The following MTA3 variants were observed in gnomAD, a reference collection of about 807,000 sequenced individuals.
MTA3 encodes the protein metastasis associated 1 family member 3.
MTA3 carries 34 observed loss-of-function variants against 83.5 expected under a neutral mutation model. The observed-to-expected ratio is 0.41, with a 90% CI of 0.31 to 0.54. The LOEUF is 0.54. Ranked by LOEUF, MTA3 falls within the 20% of genes least tolerant of loss-of-function variation. MTA3 has a pLI of 0.33. For missense variants in MTA3, 761 were observed against 726.4 expected (o/e 1.05, Z -0.55); for synonymous variants, 303 against 252.7 (o/e 1.20, Z -1.89).
At chr2:42,678,979 C>G (rs1370614835) in intron 8 of MTA3, among the ~76,000 whole-genome samples, 1 of 152,048 alleles carries the variant, frequency 6.6e-6, no homozygotes, top group Non-Finnish European at 1.5e-5. Context: ...CCTCACAAGC[C>G]TGTGAGGTAG....
chr2:42,591,905 T>C (rs1422142307), intron 3 of MTA3, among the ~76,000 whole-genome samples: 1 of 152,024 alleles, frequency 6.6e-6, no homozygotes, highest in Non-Finnish European at 1.5e-5. Context: ...CACCTTGACC[T>C]CCCAAAGTGT....
chr2:42,721,533 T>A (rs1454439641), intron 15 of MTA3, among the ~76,000 whole-genome samples: 2 of 152,048 alleles, frequency 1.3e-5, no homozygotes, highest in East Asian at 3.9e-4. Flanking sequence ...TTCACCATGT[T>A]GCTCAGGCTG....
intron 14 of MTA3, 78 bp from the exon 15 acceptor site, chr2:42,718,910 C>A: frequency 9.2e-7 from 1 of 1,092,554 alleles, no homozygotes; most frequent in Non-Finnish European, 1.4e-6. Context: ...CCACTTGTAC[C>A]TTTATTTCTG....
At chr2:42,734,896 T>C (rs538178177) in intron 16 of MTA3, among the ~76,000 whole-genome samples, 1 of 152,334 alleles carries the variant, frequency 6.6e-6, no homozygotes, top group South Asian at 2.1e-4. Flanking sequence ...TTTTGTTGTT[T>C]ATATTTATAT....
At chr2:42,508,830 T>C (rs1347077576) in intron 2 of MTA3, among the ~76,000 whole-genome samples, 1 of 146,916 alleles carries the variant, frequency 6.8e-6, no homozygotes, top group Non-Finnish European at 1.5e-5. Context: ...ATATATGATA[T>C]ATAATATTAA....
intron 3 of MTA3, among the ~76,000 whole-genome samples, chr2:42,598,409 G>A (rs971786839): frequency 6.6e-6 from 1 of 152,114 alleles, no homozygotes; most frequent in African/African-American, 2.4e-5. Flanking sequence ...TTAATATAGT[G>A]CCTCTATATT....
At chr2:42,621,485 A>G (rs904813675) in intron 4 of MTA3, among the ~76,000 whole-genome samples, 1 of 152,230 alleles carries the variant, frequency 6.6e-6, no homozygotes, top group Non-Finnish European at 1.5e-5. Context: ...AGGCAGAACA[A>G]TTCTTCTTAG....
At chr2:42,537,321 T>C (rs1308119329) in intron 2 of MTA3, among the ~76,000 whole-genome samples, 1 of 152,120 alleles carries the variant, frequency 6.6e-6, no homozygotes, top group Non-Finnish European at 1.5e-5. Flanking sequence ...CCCAGCACTT[T>C]GGGAGGCCAA....
intron 4 of MTA3, among the ~76,000 whole-genome samples, chr2:42,614,991 C>T (rs376984999): frequency 8.7e-6 from 1 of 114,680 alleles, no homozygotes; most frequent in Non-Finnish European, 1.9e-5. Context: ...AAAAAAAAAA[C>T]AAAAAGCAGA....
intron 3 of MTA3, among the ~76,000 whole-genome samples, chr2:42,594,721 TATA>T (rs1352433238): frequency 4.6e-4 from 17 of 36,566 alleles, no homozygotes; most frequent in African/African-American, 2.5e-3. Context: ...TATATATATA[TATA>T]TATATTTTTT....
In MTA3 at chr2:42,756,550, C is replaced by T. The variant is rs1178744955; in HGVS notation, c.*3151C>T. The T allele has an allele frequency of 1.4e-5, 14 of 985,604 alleles. No homozygotes were observed. The African/African-American group carries it at 1.6e-4, about 11-fold the overall frequency. The allele number at this position is 985,604 out of a possible 1,614,324, so 61.1% of individuals were successfully genotyped here. On this transcript the variant is annotated 3_prime_UTR_variant, in exon 17 of 17. Coordinates refer to ENST00000405094, the MANE Select transcript of MTA3 (RefSeq NM_001330442.2). ...CCCCACTGCTGTCCTAAGTCCCTGGCGAGGGGAGGTGGAGGAGCTGCCCCG... is the reference window on the plus strand; with the variant it reads ...CCCCACTGCTGTCCTAAGTCCCTGGTGAGGGGAGGTGGAGGAGCTGCCCCG...
At chr2:42,661,506 C>CAAA (rs1296698587) in intron 8 of MTA3, among the ~76,000 whole-genome samples, 20 of 26,394 alleles carry the variant, frequency 7.6e-4, no homozygotes, top group Non-Finnish European at 9.5e-4. Context: ...GACCCTGTCT[C>CAAA]AAAAAAAAAA....
intron 10 of MTA3, 23 bp from the exon 11 acceptor site, chr2:42,697,753 G>C (rs1033899337): frequency 1.2e-5 from 18 of 1,502,070 alleles, no homozygotes; most frequent in Non-Finnish European, 1.6e-5. Flanking sequence ...CATGTAAAAT[G>C]TTTTATTCAT....
At chr2:42,636,807 A>G (rs985263816) in intron 4 of MTA3, among the ~76,000 whole-genome samples, 3 of 151,610 alleles carry the variant, frequency 2.0e-5, no homozygotes, top group Admixed American at 2.0e-4. Flanking sequence ...TTGTGTTTTT[A>G]GTAGAGACAG....
chr2:42,520,437 TGC>T (rs1213766678), intron 2 of MTA3, among the ~76,000 whole-genome samples: 3 of 152,190 alleles, frequency 2.0e-5, no homozygotes, highest in Admixed American at 6.6e-5. Flanking sequence ...TGCTTCAAGA[TGC>T]TGCCCCCATA....
intron 2 of MTA3, among the ~76,000 whole-genome samples, chr2:42,546,682 TAG>T (rs1294732648): frequency 6.6e-6 from 1 of 152,182 alleles, no homozygotes; most frequent in Non-Finnish European, 1.5e-5. Context: ...AAAAATTACT[TAG>T]AGTTTCCTAC....
intron 11 of MTA3, among the ~76,000 whole-genome samples, chr2:42,701,090 C>A (rs1198105240): frequency 6.6e-6 from 1 of 151,642 alleles, no homozygotes; most frequent in African/African-American, 2.4e-5. Flanking sequence ...AGAGTGAGAC[C>A]CTGTCTCTAA....
At chr2:42,592,542 C>G (rs1257476737) in intron 3 of MTA3, among the ~76,000 whole-genome samples, 1 of 152,134 alleles carries the variant, frequency 6.6e-6, no homozygotes, top group African/African-American at 2.4e-5. Flanking sequence ...TGTGTTTGCA[C>G]CAGTGCACAC....
At position 42,568,632 on chromosome 2, in the gene MTA3, G is replaced by T; in HGVS notation, c.-114G>T. On this transcript the variant is annotated 5_prime_UTR_variant, in exon 1 of 17. Transcript: ENST00000405094. The stretch of plus-strand genomic sequence containing the variant: ...CCCTCCCTTCCCTCCCTTCCCCCCC[G>T]TGGCGAGGCAGCAGCGACGGCGGCG... 1.1e-5 allele frequency: 2 copies of T among 186,564 alleles called. No homozygotes were observed. The highest frequency in any genetic ancestry group is 1.7e-5 in the Non-Finnish European group (2 of 116,818). The allele number at this position is 186,564 out of a possible 1,614,324, so 11.6% of individuals were successfully genotyped here.
Sources: allele counts gnomAD v4.1 joint callset (sites outside exome capture counted in the v4.1 genomes callset), GRCh38; gene constraint gnomAD v4.1.1; transcripts MANE v1.5; gene names NCBI Gene and HGNC (gene_info 2026-07-23, HGNC 2026-07-21).